Variants in KIAA1549L observed in about 807,000 individuals in gnomAD.
KIAA1549L encodes the protein UPF0606 protein KIAA1549L.
A neutral mutation model predicts 160.7 loss-of-function variants in KIAA1549L; 88 were observed. That is an observed-to-expected ratio of 0.55 (90% CI 0.46 to 0.65). The LOEUF is 0.65. Ranked by LOEUF, KIAA1549L falls within the 30% of genes least tolerant of loss-of-function variation. The pLI, the probability that KIAA1549L is intolerant of heterozygous loss-of-function variation, is 0.00. For synonymous variants in KIAA1549L, 950 were observed against 976.7 expected (o/e 0.97, Z 0.51); for missense variants, 2,258 against 2,437.5 (o/e 0.93, Z 1.55).
intron 1 of KIAA1549L, among the ~76,000 whole-genome samples, chr11:33,443,682 C>G (rs560442829): frequency 4.0e-5 from 6 of 151,458 alleles, no homozygotes; most frequent in African/African-American, 1.5e-4. Context: ...GGCAGTCTGG[C>G]GAAGCTCTTG....
At chr11:33,508,656 C>T (rs1287244236) in intron 1 of KIAA1549L, among the ~76,000 whole-genome samples, 1 of 152,200 alleles carries the variant, frequency 6.6e-6, no homozygotes, top group Admixed American at 6.5e-5. Flanking sequence ...TTGTTCTCAG[C>T]CCCGTCTTCC....
chr11:33,602,703 A>G (rs989641826), intron 13 of KIAA1549L, among the ~76,000 whole-genome samples: 4 of 152,320 alleles, frequency 2.6e-5, no homozygotes, highest in Admixed American at 6.5e-5. Context: ...GCATTCTCCC[A>G]TGCTTTTTCT....
At chr11:33,528,197 A>G (rs537562767) in intron 1 of KIAA1549L, among the ~76,000 whole-genome samples, 1 of 152,282 alleles carries the variant, frequency 6.6e-6, no homozygotes, top group South Asian at 2.1e-4. Flanking sequence ...AAAACAGACT[A>G]ATACAAATGG....
chr11:33,548,876 A>G lies in KIAA1549L; in HGVS notation c.3501+997A>G, dbSNP rs567670966. Among the ~76,000 whole-genome samples, 3 of 152,216 alleles carry G rather than the reference A, an allele frequency of 2.0e-5. No individual in the cohort carries two copies. In the South Asian group the frequency reaches 6.2e-4, roughly 32 times the overall value. On this transcript the variant is annotated intron_variant, in intron 4 of 20. Coordinates refer to ENST00000658780, the MANE Select transcript of KIAA1549L (RefSeq NM_012194.3). ...TCAGCTTACTGACCCCCTCCCTCCC[A>G]TCAACACCAAGGACTAGAAAGGAGA...
At chr11:33,551,312 T>C in intron 5 of KIAA1549L, 53 bp downstream of exon 5, 1 of 1,465,334 alleles carries the variant, frequency 6.8e-7, no homozygotes, top group East Asian at 2.4e-5. Context: ...TCAGGGCCAG[T>C]ACCAAGTGGA....
chr11:33,390,748 T>A (rs1335828909), intron 1 of KIAA1549L, among the ~76,000 whole-genome samples: 1 of 152,226 alleles, frequency 6.6e-6, no homozygotes, highest in African/African-American at 2.4e-5. Flanking sequence ...CACATGTTGG[T>A]AAGCTTGTTC....
chr11:33,484,683 C>G (rs568548169), intron 1 of KIAA1549L, among the ~76,000 whole-genome samples: 1 of 152,164 alleles, frequency 6.6e-6, no homozygotes, highest in Admixed American at 6.5e-5. Context: ...ATATTGTTAG[C>G]GTCTGCTGGT....
chr11:33,478,365 T>C (rs1270956434), intron 1 of KIAA1549L, among the ~76,000 whole-genome samples: 1 of 152,218 alleles, frequency 6.6e-6, no homozygotes, highest in Non-Finnish European at 1.5e-5. Flanking sequence ...CTTGCAGGGA[T>C]TGCAGTTTTG....
At chr11:33,419,957 A>T (rs1449856603) in intron 1 of KIAA1549L, among the ~76,000 whole-genome samples, 1 of 152,052 alleles carries the variant, frequency 6.6e-6, no homozygotes, top group Non-Finnish European at 1.5e-5. Context: ...GTTCAAAGAG[A>T]CCGTATTATA....
intron 17 of KIAA1549L, among the ~76,000 whole-genome samples, chr11:33,651,394 G>A (rs1382305225): frequency 1.3e-5 from 2 of 150,542 alleles, no homozygotes; most frequent in South Asian, 2.1e-4. Flanking sequence ...CCGAGATCAC[G>A]CCATTGCACT....
chr11:33,435,018 T>C (rs781394090), intron 1 of KIAA1549L, among the ~76,000 whole-genome samples: 2 of 152,266 alleles, frequency 1.3e-5, no homozygotes, highest in Non-Finnish European at 2.9e-5. Flanking sequence ...GATAGAATGA[T>C]GTTGGCTCAC....
At chr11:33,528,332 G>A (rs964662227) in intron 1 of KIAA1549L, among the ~76,000 whole-genome samples, 1 of 152,202 alleles carries the variant, frequency 6.6e-6, no homozygotes, top group African/African-American at 2.4e-5. Flanking sequence ...CATAAGAAAT[G>A]TTGGTATGGA....
chr11:33,481,782 A>G (rs891940546), intron 1 of KIAA1549L, among the ~76,000 whole-genome samples: 2 of 152,246 alleles, frequency 1.3e-5, no homozygotes, highest in African/African-American at 2.4e-5. Flanking sequence ...CACTCTAGAA[A>G]GTGTTCCAAT....
At chr11:33,430,394 T>C (rs1012439307) in intron 1 of KIAA1549L, among the ~76,000 whole-genome samples, 2 of 152,154 alleles carry the variant, frequency 1.3e-5, no homozygotes, top group Non-Finnish European at 2.9e-5. Flanking sequence ...AATCTGAGTC[T>C]TTTTCCTTTG....
chr11:33,620,881 C>T (rs1850941883), intron 16 of KIAA1549L, among the ~76,000 whole-genome samples: 1 of 152,074 alleles, frequency 6.6e-6, no homozygotes, highest in Non-Finnish European at 1.5e-5. Flanking sequence ...TAGTTTTAAA[C>T]AATACATTCA....
At chr11:33,478,038 G>C (rs924233222) in intron 1 of KIAA1549L, among the ~76,000 whole-genome samples, 1 of 152,244 alleles carries the variant, frequency 6.6e-6, no homozygotes, top group Non-Finnish European at 1.5e-5. Context: ...CCAGCCAGAG[G>C]GGGTGTTGGC....
At chr11:33,509,855 C>T (rs1331362411) in intron 1 of KIAA1549L, among the ~76,000 whole-genome samples, 1 of 152,022 alleles carries the variant, frequency 6.6e-6, no homozygotes, top group Non-Finnish European at 1.5e-5. Flanking sequence ...AAACTGAAGG[C>T]GAGTTGAAAT....
chr11:33,598,894 A>C lies in KIAA1549L; in HGVS notation c.4826A>C (p.Gln1609Pro). Residue 1609 changes from glutamine (Q) to proline (P), a missense_variant, in exon 13 of 21, where the codon CAG (glutamine) becomes CCG (proline). Coordinates refer to ENST00000658780, the MANE Select transcript of KIAA1549L (RefSeq NM_012194.3). ...CCCAGCTCAGGGAGACGCTCACCCC[A>C]GAATGTAATGGCACAGCAGAAAGTG... is the stretch of plus-strand genomic sequence containing the variant. ...GKPSSGRRSPQNVMAQQKVTK... is the reference protein window; with the variant it reads ...GKPSSGRRSPPNVMAQQKVTK... 1 of 1,613,924 alleles carries C rather than the reference A, an allele frequency of 6.2e-7. No homozygotes were observed. The highest frequency in any genetic ancestry group is 1.7e-5 in the Admixed American group (1 of 60,024).
chr11:33,439,359 T>TG (rs1444510011), intron 1 of KIAA1549L, among the ~76,000 whole-genome samples: 2 of 152,146 alleles, frequency 1.3e-5, no homozygotes, highest in African/African-American at 4.8e-5. Context: ...TCAAGGTATT[T>TG]GGGGGTATCT....
Sources: gnomAD v4.1 joint callset for allele counts (sites outside exome capture counted in the v4.1 genomes callset) on GRCh38, gnomAD v4.1.1 for gene constraint, MANE v1.5 for transcripts, NCBI Gene and HGNC (gene_info 2026-07-23, HGNC 2026-07-21) for gene names.